CLCN7: variants seen among roughly 807,000 people sequenced by gnomAD.
CLCN7 encodes the protein H(+)/Cl(-) exchange transporter 7.
CLCN7 carries 60 observed loss-of-function variants against 102.1 expected under a neutral mutation model. That is an observed-to-expected ratio of 0.59 (90% CI 0.48 to 0.73). The LOEUF (loss-of-function observed/expected upper bound fraction) is 0.73. Among genes scored for constraint, CLCN7 ranks in the 30% least tolerant of loss-of-function variants. The probability of loss-of-function intolerance (pLI) is 0.00; values close to 1 mark genes in which losing one functional copy is unlikely to be tolerated. For synonymous variants in CLCN7, 560 were observed against 490.5 expected, an observed-to-expected ratio of 1.14 and a Z score of -1.87; for missense variants, 962 against 1,125.7, an observed-to-expected ratio of 0.85 and a Z score of 2.08.
At chr16:1,458,162 T>A (rs956368390) in intron 7 of CLCN7, among the ~76,000 whole-genome samples, 3 of 152,204 alleles carry the variant, frequency 2.0e-5, no homozygotes, top group Non-Finnish European at 2.9e-5. Flanking sequence ...GCTGGTCACC[T>A]GCGGCTCCAC....
chr16:1,452,448 G>C, intron 15 of CLCN7: 1 of 429,920 alleles, frequency 2.3e-6, no homozygotes, highest in Non-Finnish European at 4.3e-6. Flanking sequence ...CATTTCTCCT[G>C]GGTCCACATC....
rs937106092 is a variant in CLCN7 at position 1,447,454 on chromosome 16, C to T, written c.2188G>A (p.Glu730Lys). 4.5e-6 allele frequency: 7 copies of T among 1,552,416 alleles called. No individual in the cohort carries two copies. The highest frequency in any genetic ancestry group is 6.1e-6 in the Non-Finnish European group (7 of 1,148,124). ...GAGAGGTCCATGGTGCACTCCCGCT[C>T]GTCCTGGGACACGTGGATGGACTGG... The part of the protein sequence containing the change: ...PIQSIHVSQD[E>K]RECTMDLSEF... The change falls in exon 23 of 25, where the codon GAG becomes AAG. Residue 730 changes from glutamate to lysine, a missense_variant. By Grantham distance (56) the Glu-to-Lys change is moderately conservative (BLOSUM62 1). This residue lies in a region of CLCN7 where 799 missense variants were observed against 988.0 expected (regional missense o/e 0.81). Coordinates refer to ENST00000382745, the MANE Select transcript of CLCN7 (RefSeq NM_001287.6).
intron 2 of CLCN7, among the ~76,000 whole-genome samples, chr16:1,464,578 C>T (rs948233894): frequency 2.0e-5 from 3 of 152,246 alleles, no homozygotes; most frequent in Non-Finnish European, 2.9e-5. Context: ...CTCAAACGGA[C>T]GCAAGGCCGA....
intron 16 of CLCN7, 45 bp from the exon 17 acceptor site, chr16:1,450,711 C>CAG (rs2038734440): frequency 6.9e-7 from 1 of 1,445,528 alleles, no homozygotes; most frequent in Non-Finnish European, 9.4e-7. Flanking sequence ...ACTCCCGCCT[C>CAG]CGCAGGACTG....
Position 1,459,169 on chromosome 16 carries a change from CGCTGCCA to C in CLCN7, c.606_612del (p.Gly203GlufsTer12). 1 of 1,613,232 alleles carries C rather than the reference CGCTGCCA, an allele frequency of 6.2e-7. No homozygotes were observed. Among genetic ancestry groups the C allele is most frequent in the Non-Finnish European group, 8.5e-7 (1 of 1,179,910 alleles). On this transcript the variant is annotated frameshift_variant, in exon 7 of 25. Coordinates refer to ENST00000382745, the MANE Select transcript of CLCN7 (RefSeq NM_001287.6). LOFTEE classifies it high-confidence loss of function. ...AGGAAGCACTTGATCTGGGGGATTC[CGCTGCCA>C]GCAGCCACCGGCTGAAAGAGGGGAA...
chr16:1,457,734 C>T lies in CLCN7; in HGVS notation c.698G>A (p.Gly233Asp), dbSNP rs1436335801. Residue 233 changes from glycine (G) to aspartate (D), a missense_variant, in exon 8 of 25, where the codon GGT becomes GAT. By Grantham distance (94) the Gly-to-Asp change is moderately conservative. This residue lies in a region of CLCN7 where 799 missense variants were observed against 988.0 expected (regional missense o/e 0.81). Transcript: ENST00000382745. The surrounding 1 kb of genome is among the most constrained non-coding windows in gnomAD (Gnocchi z 5.4). The part of the protein sequence containing the change: ...RLKTLVIKVS[G>D]VILSVVGGLA... ...GCCCCCGACCACGGACAGGATCACACCGGACACTTTGATCACCAACGTCTG... is the reference window on the plus strand; with the variant it reads ...GCCCCCGACCACGGACAGGATCACATCGGACACTTTGATCACCAACGTCTG... 1 of 1,613,802 alleles carries T rather than the reference C, an allele frequency of 6.2e-7. No individual in the cohort carries two copies. The highest frequency in any genetic ancestry group is 8.5e-7 in the Non-Finnish European group (1 of 1,180,026).
rs1229857717 is a variant in CLCN7, at chr16:1,446,289, G to C, written c.*342C>G. 1 of 698,180 alleles carries C rather than the reference G, an allele frequency of 1.4e-6. No individual in the cohort carries two copies. The highest frequency in any genetic ancestry group is 1.7e-5 in the African/African-American group (1 of 57,176). The allele number at this position is 698,180 out of a possible 1,614,324, so 43.2% of individuals were successfully genotyped here. A position where few individuals can be genotyped will look rare whatever the true frequency, so the allele number is the denominator to read the frequency against. Reference sequence around the variant, plus strand: ...GCTCTGTCTCACGCACACGGGCACAGGCACGCAGGTGCCGGCCCTGCCGCT... The same window carrying C: ...GCTCTGTCTCACGCACACGGGCACACGCACGCAGGTGCCGGCCCTGCCGCT... On this transcript the variant is annotated 3_prime_UTR_variant, in exon 25 of 25. Transcript: ENST00000382745.
intron 6 of CLCN7, 109 bp from the exon 7 acceptor site, chr16:1,459,296 C>A: frequency 1.1e-6 from 1 of 937,398 alleles, no homozygotes; most frequent in Non-Finnish European, 1.7e-6. Context: ...CACGTCGGGG[C>A]CTCAGGGAAG....
intron 1 of CLCN7, among the ~76,000 whole-genome samples, chr16:1,473,160 C>T (rs1433093708): frequency 6.6e-6 from 1 of 151,890 alleles, no homozygotes; most frequent in African/African-American, 2.4e-5. Flanking sequence ...CACCCATGGC[C>T]CCATCACTTC....
chr16:1,448,874 C>G lies in CLCN7; in HGVS notation c.1797+92G>C, dbSNP rs113456614. 3.6e-3 allele frequency: 5,777 copies of G among 1,598,638 alleles called. 182 individuals carry two copies. In the African/African-American group the frequency reaches 0.067, roughly 18 times the overall value. ...CCGCCCCCAGAAACCCTGAGCCTACCCCCCGGGACCGGCTGTTTGGAGGCT... is the reference window on the plus strand; with the variant it reads ...CCGCCCCCAGAAACCCTGAGCCTACGCCCCGGGACCGGCTGTTTGGAGGCT... On this transcript the variant is annotated intron_variant, in intron 19 of 24. Coordinates refer to ENST00000382745, the MANE Select transcript of CLCN7 (RefSeq NM_001287.6).
intron 21 of CLCN7, among the ~76,000 whole-genome samples, chr16:1,448,065 G>A (rs534311126): frequency 2.0e-4 from 31 of 152,294 alleles, no homozygotes; most frequent in African/African-American, 6.7e-4. Flanking sequence ...AGCAGTGGCC[G>A]AGCTGTGTGT....
intron 21 of CLCN7, among the ~76,000 whole-genome samples, chr16:1,448,082 A>G (rs888661732): frequency 2.0e-5 from 3 of 152,168 alleles, no homozygotes; most frequent in African/African-American, 7.2e-5. Context: ...GTGTCCTGTC[A>G]GGGCCTCCTG....
intron 5 of CLCN7, 82 bp downstream of exon 5, chr16:1,460,734 G>A (rs113129905): frequency 2.2e-5 from 35 of 1,602,548 alleles, no homozygotes; most frequent in Admixed American, 5.0e-5. Flanking sequence ...ACTGGAACAC[G>A]CTGGGCTCAG....
rs375096271 is a variant in CLCN7 at position 1,448,432 on chromosome 16, C to T, written c.1936G>A (p.Val646Ile). 120 of 1,612,394 alleles carry T rather than the reference C, an allele frequency of 7.4e-5. No individual in the cohort carries two copies. The highest frequency in any genetic ancestry group is 2.3e-4 in the African/African-American group (17 of 75,056). ...TCLRRREKVG[V>I]IVDVLSDTAS... ...GTGTCGCTCAGCACGTCCACAATGACGCCGACCTTCTCACGCCGCCTCAGG... is the reference window on the plus strand; with the variant it reads ...GTGTCGCTCAGCACGTCCACAATGATGCCGACCTTCTCACGCCGCCTCAGG... Residue 646 changes from valine (V) to isoleucine (I), a missense_variant, in exon 21 of 25, where the codon GTC becomes ATC. By Grantham distance (29) the Val-to-Ile change is conservative. Around this residue, in one of 2 missense-constraint regions of CLCN7, gnomAD observed 799 missense variants for 988.0 expected, o/e 0.81. Transcript: ENST00000382745.
chr16:1,457,893 C>G lies in CLCN7; in HGVS notation c.676-137G>C, dbSNP rs991067644. 6 of 830,824 alleles carry G rather than the reference C, an allele frequency of 7.2e-6. No individual in the cohort carries two copies. The highest frequency in any genetic ancestry group is 5.3e-5 in the East Asian group (2 of 37,904). The allele number at this position is 830,824 out of a possible 1,614,324, so 51.5% of individuals were successfully genotyped here. A position where few individuals can be genotyped will look rare whatever the true frequency, so the allele number is the denominator to read the frequency against. ...GGCCTCCGGGAGGGGGCCAGCACCC[C>G]CAGGCTGGGTCTCCCCATGGCCACA... On this transcript the variant is annotated intron_variant, in intron 7 of 24. Coordinates refer to ENST00000382745, the MANE Select transcript of CLCN7 (RefSeq NM_001287.6). This position sits in a 1 kb window ranked among gnomAD's most constrained non-coding sequence, Gnocchi z 5.4.
chr16:1,461,562 G>A, intron 3 of CLCN7, 41 bp downstream of exon 3: 2 of 1,611,552 alleles, frequency 1.2e-6, no homozygotes, highest in Non-Finnish European at 1.7e-6. Flanking sequence ...GCAGGGGGCA[G>A]AGGCCGGGTC....
Position 1,457,837 on chromosome 16 carries a change from G to A in CLCN7, c.676-81C>T, listed in dbSNP as rs2038862217. On this transcript the variant is annotated intron_variant, in intron 7 of 24. Transcript: ENST00000382745. This position sits in a 1 kb window ranked among gnomAD's most constrained non-coding sequence, Gnocchi z 5.4. ...CCTGAGCCGTAAAACAGCACACACA[G>A]CCCCGATCAGGCAGAGTGGCTGGGA... The A allele has an allele frequency of 1.4e-6, 2 of 1,391,000 alleles. No homozygotes were observed. Among genetic ancestry groups the A allele is most frequent in the Non-Finnish European group, 2.0e-6 (2 of 981,978 alleles). The allele number at this position is 1,391,000 out of a possible 1,614,324, so 86.2% of individuals were successfully genotyped here.
intron 2 of CLCN7, 56 bp downstream of exon 2, chr16:1,465,211 C>A: frequency 2.6e-6 from 4 of 1,550,146 alleles, no homozygotes; most frequent in Non-Finnish European, 3.6e-6. Context: ...ATCCCTGTCA[C>A]CCTCTGCTAA....
At chr16:1,452,617 T>G in intron 15 of CLCN7, 138 bp downstream of exon 15, 1 of 913,400 alleles carries the variant, frequency 1.1e-6, no homozygotes, top group Non-Finnish European at 1.6e-6. Flanking sequence ...GGACTAACCC[T>G]CTTTGAGACA....
Sources: allele counts gnomAD v4.1 joint callset (sites outside exome capture counted in the v4.1 genomes callset), GRCh38; gene constraint gnomAD v4.1.1; regional missense constraint gnomAD v4.1.1; non-coding constraint Gnocchi (gnomAD v3.1); transcripts MANE v1.5; gene names NCBI Gene and HGNC (gene_info 2026-07-23, HGNC 2026-07-21).